STK3: variants seen among roughly 807,000 people sequenced by gnomAD.
The protein encoded by STK3 is serine/threonine-protein kinase 3.
A neutral mutation model predicts 58.0 loss-of-function variants in STK3; 41 were observed. The ratio of observed to expected loss-of-function variants is 0.71; its 90% CI spans 0.55 to 0.92. The LOEUF (loss-of-function observed/expected upper bound fraction) is 0.92. Among genes scored for constraint, STK3 ranks in the 40% least tolerant of loss-of-function variants. The pLI is 0.00. For synonymous variants in STK3, 170 were observed against 191.0 expected, an observed-to-expected ratio of 0.89 and a Z score of 0.91; for missense variants, 479 against 602.7, an observed-to-expected ratio of 0.79 and a Z score of 2.15.
chr8:98,808,494 A>G (rs1006743929), intron 1 of STK3, among the ~76,000 whole-genome samples: 1 of 152,244 alleles, frequency 6.6e-6, no homozygotes, highest in Non-Finnish European at 1.5e-5. Context: ...AGACTCAGGA[A>G]AAGTTCAGAA....
chr8:98,633,793 G>A, intron 6 of STK3: 1 of 526,970 alleles, frequency 1.9e-6, no homozygotes, highest in Non-Finnish European at 3.5e-6. Flanking sequence ...CAAGTGTATG[G>A]TAAAGCAGAC....
intron 6 of STK3, among the ~76,000 whole-genome samples, chr8:98,672,931 A>G (rs1822934420): frequency 6.6e-6 from 1 of 152,178 alleles, no homozygotes; most frequent in Admixed American, 6.5e-5. Context: ...TTATTGTGAA[A>G]TACTTCAAGG....
intron 3 of STK3, chr8:98,431,727 TG>T (rs2131075095): frequency 6.0e-6 from 1 of 167,246 alleles, no homozygotes; most frequent in South Asian, 2.1e-4. Context: ...GGTTACCCTT[TG>T]CAGATGTGAA....
In STK3 at chr8:98,455,481, G is replaced by C. The variant is rs1819425172; in HGVS notation, c.*361C>G. 1 of 189,594 alleles carries C rather than the reference G, an allele frequency of 5.3e-6. No homozygotes were observed. The highest frequency in any genetic ancestry group is 1.3e-4 in the South Asian group (1 of 7,692). 11.7% of individuals were successfully genotyped at this position (189,594 alleles called of 1,614,324 possible). ...ATACAATAAATAGCCTAGTATACTAGATAGGAATAAAGAATATTGTAACAT... is the reference window on the plus strand; with the variant it reads ...ATACAATAAATAGCCTAGTATACTACATAGGAATAAAGAATATTGTAACAT... On this transcript the variant is annotated 3_prime_UTR_variant, in exon 11 of 11. Transcript: ENST00000419617.
chr8:98,769,948 T>C (rs1001999345), intron 2 of STK3, among the ~76,000 whole-genome samples: 2 of 152,218 alleles, frequency 1.3e-5, no homozygotes, highest in African/African-American at 4.8e-5. Flanking sequence ...GGTATAGTCT[T>C]ACTGGAAGTT....
intron 10 of STK3, among the ~76,000 whole-genome samples, chr8:98,481,844 T>C (rs1680021921): frequency 6.6e-6 from 1 of 152,210 alleles, no homozygotes; most frequent in Admixed American, 6.5e-5. Context: ...TTTGGTATTT[T>C]TTCAAGGATA....
intron 3 of STK3, chr8:98,432,755 C>A (rs1027565937): frequency 1.1e-4 from 19 of 167,020 alleles, no homozygotes; most frequent in African/African-American, 4.6e-4. Flanking sequence ...TCTTACAGAG[C>A]TGTAATTTTT....
At chr8:98,742,519 C>A (rs1829304648) in intron 4 of STK3, among the ~76,000 whole-genome samples, 1 of 122,522 alleles carries the variant, frequency 8.2e-6, no homozygotes, top group Non-Finnish European at 1.7e-5. Context: ...AGGCCTTTGA[C>A]AAAATTCAAC....
At chr8:98,429,874 ACAGT>A (rs1355506680) in intron 3 of STK3, 1 of 169,700 alleles carries the variant, frequency 5.9e-6, no homozygotes, top group Non-Finnish European at 1.4e-5. Flanking sequence ...GATTTTGCTC[ACAGT>A]CATGTGAAAA....
chr8:98,619,396 T>C (rs934386510), intron 6 of STK3, among the ~76,000 whole-genome samples: 8 of 150,858 alleles, frequency 5.3e-5, no homozygotes, highest in African/African-American at 1.7e-4. Flanking sequence ...ATTCAGGACA[T>C]AGGCGTGGGG....
At chr8:98,777,292 C>G (rs1831758086) in intron 1 of STK3, among the ~76,000 whole-genome samples, 1 of 151,968 alleles carries the variant, frequency 6.6e-6, no homozygotes, top group African/African-American at 2.4e-5. Flanking sequence ...TTTGGGAGGC[C>G]GAGGTAGGCG....
chr8:98,939,718 T>C (rs1295099958), intron 1 of STK3, among the ~76,000 whole-genome samples: 1 of 152,218 alleles, frequency 6.6e-6, no homozygotes, highest in Non-Finnish European at 1.5e-5. Context: ...ACACACAATA[T>C]GAAAGCCTAA....
intron 7 of STK3, among the ~76,000 whole-genome samples, chr8:98,589,450 C>A (rs1413596373): frequency 6.6e-6 from 1 of 152,220 alleles, no homozygotes; most frequent in African/African-American, 2.4e-5. Context: ...AGGCAGTCTG[C>A]CCCTTCTCAG....
At position 98,455,188 on chromosome 8, in the gene STK3, C is replaced by G. The variant is rs1302961268; in HGVS notation, c.*654G>C. ...TACCAAACATCAAAAATCAAAAAAA[C>G]AAAATTTCAAAGGGTAAAAATGGAA... On this transcript the variant is annotated 3_prime_UTR_variant, in exon 11 of 11. Transcript: ENST00000419617. 1 of 152,122 alleles carries G rather than the reference C, an allele frequency of 6.6e-6. No homozygotes were observed. The highest frequency in any genetic ancestry group is 2.1e-4 in the South Asian group (1 of 4,804). The allele number at this position is 152,122 out of a possible 1,614,324, so 9.4% of individuals were successfully genotyped here. A position where few individuals can be genotyped will look rare whatever the true frequency, so the allele number is the denominator to read the frequency against.
intron 1 of STK3, among the ~76,000 whole-genome samples, chr8:98,783,190 CA>C (rs1322402192): frequency 6.6e-6 from 1 of 152,068 alleles, no homozygotes; most frequent in Non-Finnish European, 1.5e-5. Context: ...CACAATAAAG[CA>C]AATAACACAA....
At chr8:98,488,862 G>A (rs1003418923) in intron 10 of STK3, among the ~76,000 whole-genome samples, 5 of 152,188 alleles carry the variant, frequency 3.3e-5, no homozygotes, top group Admixed American at 2.6e-4. Flanking sequence ...CAACACTTTC[G>A]GTCTCTATTG....
intron 10 of STK3, among the ~76,000 whole-genome samples, chr8:98,468,477 T>C (rs1470189250): frequency 1.3e-5 from 2 of 152,138 alleles, no homozygotes; most frequent in Non-Finnish European, 2.9e-5. Flanking sequence ...AAAAGCAAAA[T>C]TGATTTTGTC....
At chr8:98,849,865 G>T (rs900144339) in intron 3 of STK3, among the ~76,000 whole-genome samples, 2 of 152,168 alleles carry the variant, frequency 1.3e-5, no homozygotes, top group Non-Finnish European at 2.9e-5. Context: ...CATTCCTGTG[G>T]CAGGAATCAG....
At chr8:98,811,830 T>C (rs1353292449) in intron 1 of STK3, among the ~76,000 whole-genome samples, 2 of 152,220 alleles carry the variant, frequency 1.3e-5, no homozygotes, top group Non-Finnish European at 2.9e-5. Flanking sequence ...AAGGTTTTGT[T>C]GTTGTTTTTT....
Sources: gnomAD v4.1 joint callset for allele counts (sites outside exome capture counted in the v4.1 genomes callset) on GRCh38, gnomAD v4.1.1 for gene constraint, MANE v1.5 for transcripts, NCBI Gene and HGNC (gene_info 2026-07-23, HGNC 2026-07-21) for gene names.